Variants in HS6ST2 observed in about 807,000 individuals in gnomAD.
HS6ST2 encodes heparan sulfate 6-O-sulfotransferase 2.
Under a neutral mutation model 33.0 loss-of-function variants are expected in HS6ST2, and 17 were observed. The observed-to-expected ratio is 0.52, with a 90% CI of 0.35 to 0.77. HS6ST2 has a LOEUF of 0.77. Among genes scored for constraint, HS6ST2 ranks in the 30% least tolerant of loss-of-function variants. HS6ST2 has a pLI of 0.01. For synonymous variants in HS6ST2, 248 were observed against 237.1 expected, an observed-to-expected ratio of 1.05 and a Z score of -0.42; for missense variants, 519 against 551.7, an observed-to-expected ratio of 0.94 and a Z score of 0.59.
chrX:132,645,486 CT>C (rs2063633274), intron 4 of HS6ST2, among the ~76,000 whole-genome samples: 1 of 112,688 alleles, frequency 8.9e-6, no homozygotes, highest in Non-Finnish European at 1.9e-5. Flanking sequence ...CATGAACACA[CT>C]AAGTTAAAGC....
Position 132,626,554 on chromosome X carries a change from C to G in HS6ST2, c.*1669G>C, listed in dbSNP as rs1306272202. ...GAGTCAAGAAAATCTATTTTAAACC[C>G]AAATACCCAGCTTCTTGTCCAGTTT... On this transcript the variant is annotated 3_prime_UTR_variant, in exon 5 of 5. Transcript: ENST00000370833. The G allele has an allele frequency of 3.6e-5, 4 of 111,854 alleles. No homozygotes were observed. The highest frequency in any genetic ancestry group is 9.7e-5 in the African/African-American group (3 of 30,785). 9.2% of individuals were successfully genotyped at this position (111,854 alleles called of 1,213,427 possible).
chrX:132,777,463 C>T (rs928534827), intron 2 of HS6ST2, among the ~76,000 whole-genome samples: 3 of 110,677 alleles, frequency 2.7e-5, no homozygotes, highest in Non-Finnish European at 3.8e-5. Context: ...CAGAGTCTCA[C>T]TCTGTTGCCC....
rs1172790388 is a variant in HS6ST2 at position 132,637,798 on chromosome X, AATATT to A, written c.1068-8710_1068-8706del. ...TATATATATAATATTTTATATATAT[AATATT>A]ATATATTATTTTATATATATAATAT... On this transcript the variant is annotated intron_variant, in intron 4 of 4. Transcript: ENST00000370833. Among the ~76,000 whole-genome samples, 37 of 45,804 alleles carry A rather than the reference AATATT, an allele frequency of 8.1e-4. No individual in the cohort carries two copies. The South Asian group carries it at 0.036, about 45-fold the overall frequency. 39.8% of individuals were successfully genotyped at this position (45,804 alleles called of 115,157 possible). A position where few individuals can be genotyped will look rare whatever the true frequency, so the allele number is the denominator to read the frequency against.
intron 3 of HS6ST2, among the ~76,000 whole-genome samples, chrX:132,692,888 T>A (rs1299961816): frequency 8.9e-6 from 1 of 112,045 alleles, no homozygotes; most frequent in Non-Finnish European, 1.9e-5. Context: ...ATGTCTCATG[T>A]CCCTATTTCC....
chrX:132,773,431 T>C, intron 2 of HS6ST2, among the ~76,000 whole-genome samples: 1 of 109,054 alleles, frequency 9.2e-6, no homozygotes, highest in East Asian at 2.9e-4. Context: ...CCTCAAAAAG[T>C]TAAATTTGAA....
intron 2 of HS6ST2, among the ~76,000 whole-genome samples, chrX:132,889,289 G>T (rs1003569086): frequency 4.5e-5 from 5 of 111,568 alleles, no homozygotes; most frequent in African/African-American, 1.6e-4. Flanking sequence ...AGAGCAGAGA[G>T]ATTATGCTGG....
intron 2 of HS6ST2, among the ~76,000 whole-genome samples, chrX:132,821,966 G>C (rs913842586): frequency 9.1e-6 from 1 of 110,180 alleles, no homozygotes; most frequent in Admixed American, 9.6e-5. Context: ...ACTCCAGCCT[G>C]GGTGACAGAG....
At chrX:132,730,419 C>G (rs766154443) in intron 2 of HS6ST2, among the ~76,000 whole-genome samples, 3 of 112,332 alleles carry the variant, frequency 2.7e-5, no homozygotes, top group Non-Finnish European at 5.6e-5. Context: ...TCTACCATAT[C>G]CATGTCTGAA....
intron 2 of HS6ST2, among the ~76,000 whole-genome samples, chrX:132,714,070 C>T (rs186062834): frequency 1.5e-3 from 172 of 111,920 alleles, no homozygotes; most frequent in African/African-American, 5.3e-3. Flanking sequence ...TGTCAAAAAC[C>T]CTTAGGTTCA....
At chrX:132,855,673 G>A (rs753666183) in intron 2 of HS6ST2, among the ~76,000 whole-genome samples, 38 of 111,704 alleles carry the variant, frequency 3.4e-4, no homozygotes, top group Non-Finnish European at 6.4e-4. Flanking sequence ...CCACCAACTA[G>A]AAATTTGTAA....
Position 132,706,759 on chromosome X carries a change from A to G in HS6ST2, c.980+1703T>C, listed in dbSNP as rs189788663. The stretch of plus-strand genomic sequence containing the variant: ...TAATCTTGTATATTTATGAAACTGC[A>G]TATACAATGGGGATTACCAAAAATG... On this transcript the variant is annotated intron_variant, in intron 3 of 4. Coordinates refer to ENST00000370833, the MANE Select transcript of HS6ST2 (RefSeq NM_001394073.1). 6.8e-3 allele frequency among the ~76,000 whole-genome samples: 764 copies of G among 112,580 alleles called. 4 individuals are homozygous for G. The highest frequency in any genetic ancestry group is 0.012 in the Non-Finnish European group (621 of 53,268).
chrX:132,814,110 A>AT (rs1036092096), intron 2 of HS6ST2, among the ~76,000 whole-genome samples: 3 of 109,911 alleles, frequency 2.7e-5, no homozygotes, highest in Admixed American at 9.7e-5. Context: ...CGCCCGGATA[A>AT]TTTTTTTGTA....
chrX:132,669,040 A>C, intron 4 of HS6ST2, 73 bp downstream of exon 4: 1 of 661,747 alleles, frequency 1.5e-6, no homozygotes, highest in African/African-American at 2.2e-5. Flanking sequence ...GAATATGAAT[A>C]AATGACAAAA....
intron 2 of HS6ST2, among the ~76,000 whole-genome samples, chrX:132,868,165 A>G (rs905305303): frequency 3.6e-5 from 4 of 112,049 alleles, no homozygotes; most frequent in African/African-American, 1.3e-4. Flanking sequence ...CTTTAAACCA[A>G]CAAAGATCAA....
chrX:132,920,939 C>T (rs1429583870), intron 2 of HS6ST2, among the ~76,000 whole-genome samples: 2 of 112,725 alleles, frequency 1.8e-5, no homozygotes, highest in Non-Finnish European at 3.7e-5. Context: ...GTTACTTTAT[C>T]CTACATTGAA....
chrX:132,928,932 A>G lies in HS6ST2; in HGVS notation c.947+27876T>C, dbSNP rs578130398. Reference sequence around the variant, plus strand: ...TTATAGTCAATTTTTGTTTCTATTCATGCTGAGTCAGTGGCAGGCAGCAGA... The same window carrying G: ...TTATAGTCAATTTTTGTTTCTATTCGTGCTGAGTCAGTGGCAGGCAGCAGA... On this transcript the variant is annotated intron_variant, in intron 2 of 4. Coordinates refer to ENST00000370833, the MANE Select transcript of HS6ST2 (RefSeq NM_001394073.1). Among the ~76,000 whole-genome samples the G allele has an allele frequency of 4.5e-5, 5 of 111,849 alleles. No individual in the cohort carries two copies. In the South Asian group the frequency reaches 1.9e-3, roughly 43 times the overall value.
chrX:132,810,203 T>C (rs1017143559), intron 2 of HS6ST2, among the ~76,000 whole-genome samples: 2 of 111,051 alleles, frequency 1.8e-5, no homozygotes, highest in African/African-American at 6.6e-5. Flanking sequence ...CCCAGGAGTT[T>C]GAGATCAGCC....
chrX:132,666,807 T>G (rs895207691), intron 4 of HS6ST2, among the ~76,000 whole-genome samples: 6 of 111,809 alleles, frequency 5.4e-5, no homozygotes, highest in African/African-American at 1.6e-4. Flanking sequence ...AGGGAAATTC[T>G]TAAAAACTGC....
chrX:132,897,517 C>T (rs914916018), intron 2 of HS6ST2, among the ~76,000 whole-genome samples: 2 of 111,571 alleles, frequency 1.8e-5, no homozygotes, highest in Admixed American at 9.6e-5. Flanking sequence ...ATAGCACCCA[C>T]CTCATAGGCA....
Sources: allele counts gnomAD v4.1 joint callset (sites outside exome capture counted in the v4.1 genomes callset), GRCh38; gene constraint gnomAD v4.1.1; transcripts MANE v1.5; gene names NCBI Gene and HGNC (gene_info 2026-07-23, HGNC 2026-07-21).